GRIA4: variants seen among roughly 807,000 people sequenced by gnomAD.
GRIA4 encodes the protein glutamate ionotropic receptor AMPA type subunit 4.
A neutral mutation model predicts 104.0 loss-of-function variants in GRIA4; 34 were observed. The observed-to-expected ratio is 0.33, with a 90% CI of 0.25 to 0.44. The LOEUF (loss-of-function observed/expected upper bound fraction) is 0.44. Among genes scored for constraint, GRIA4 ranks in the 20% least tolerant of loss-of-function variants. GRIA4 has a pLI of 1.00. For missense variants in GRIA4, 750 were observed against 1,096.5 expected (o/e 0.68, Z 4.46); for synonymous variants, 386 against 381.9 (o/e 1.01, Z -0.13).
At chr11:105,636,650 T>A (rs1391663049) in intron 3 of GRIA4, among the ~76,000 whole-genome samples, 1 of 152,172 alleles carries the variant, frequency 6.6e-6, no homozygotes, top group African/African-American at 2.4e-5. Context: ...AATGCAGCCA[T>A]ATGGTGATAC....
Position 105,862,144 on chromosome 11 carries a change from G to A in GRIA4, c.608G>A (p.Arg203Lys). ...AGGCAACTTCTAGAAGAACTTGACA[G>A]AAGACAAGAGAAGAAGTTTGTAATA... ...SYRQLLEELDRRQEKKFVIDC... is the reference protein window; with the variant it reads ...SYRQLLEELDKRQEKKFVIDC... Residue 203 changes from arginine to lysine, a missense_variant, in exon 5 of 17, where the codon AGA becomes AAA. Transcript: ENST00000282499. 6.2e-7 allele frequency: 1 copy of A among 1,607,344 alleles called. No individual in the cohort carries two copies. The highest frequency in any genetic ancestry group is 8.5e-7 in the Non-Finnish European group (1 of 1,173,880).
chr11:105,748,915 G>A (rs1359641231), intron 3 of GRIA4, among the ~76,000 whole-genome samples: 1 of 152,180 alleles, frequency 6.6e-6, no homozygotes, highest in Non-Finnish European at 1.5e-5. Flanking sequence ...CATTTGAAGT[G>A]GGTGGTACAG....
intron 5 of GRIA4, among the ~76,000 whole-genome samples, chr11:105,866,483 T>C (rs542029910): frequency 6.7e-6 from 1 of 149,708 alleles, no homozygotes; most frequent in East Asian, 2.0e-4. Flanking sequence ...GCAGTGTGTG[T>C]ATACATATAT....
chr11:105,839,294 T>C (rs1944304287), intron 4 of GRIA4, among the ~76,000 whole-genome samples: 1 of 152,152 alleles, frequency 6.6e-6, no homozygotes, highest in Non-Finnish European at 1.5e-5. Context: ...CCTCCTTTGA[T>C]GTACTGTGAG....
In GRIA4 at chr11:105,971,918, C is replaced by G. The variant is rs147440204; in HGVS notation, c.2299C>G (p.Pro767Ala). ...ATPKGSSLRT[P>A]VNLAVLKLSE... is the part of the protein sequence containing the mutation. ...TATGTTATTTTCCACGTGAAGAACT[C>G]CTGTAAACCTTGCCGTTTTGAAACT... is the stretch of plus-strand genomic sequence containing the variant. Residue 767 changes from proline to alanine, a missense_variant, in exon 15 of 17, where the codon CCT (proline) becomes GCT (alanine). By Grantham distance (27) the Pro-to-Ala change is conservative. Transcript: ENST00000282499. 1 of 1,585,042 alleles carries G rather than the reference C, an allele frequency of 6.3e-7. No homozygotes were observed. The highest frequency in any genetic ancestry group is 8.7e-7 in the Non-Finnish European group (1 of 1,154,220).
At chr11:105,937,456 C>T (rs187120865) in intron 14 of GRIA4, among the ~76,000 whole-genome samples, 48 of 152,084 alleles carry the variant, frequency 3.2e-4, no homozygotes, top group Non-Finnish European at 4.9e-4. Context: ...TTCTTTGGAG[C>T]GAATCATCAT....
chr11:105,869,119 A>T (rs1424558895), intron 5 of GRIA4, among the ~76,000 whole-genome samples: 1 of 152,052 alleles, frequency 6.6e-6, no homozygotes, highest in Non-Finnish European at 1.5e-5. Flanking sequence ...TTGCAGCCAT[A>T]CCTCATTTTC....
At chr11:105,912,414 A>C in intron 10 of GRIA4, 1 of 960,234 alleles carries the variant, frequency 1.0e-6, no homozygotes, top group Non-Finnish European at 1.2e-6. Flanking sequence ...GGACAAATAA[A>C]TCTTAAAACC....
chr11:105,704,389 G>A (rs994171459), intron 3 of GRIA4, among the ~76,000 whole-genome samples: 8 of 152,018 alleles, frequency 5.3e-5, no homozygotes, highest in African/African-American at 1.7e-4. Flanking sequence ...TACAAACTGA[G>A]GGAGTTAGAT....
intron 4 of GRIA4, among the ~76,000 whole-genome samples, chr11:105,770,004 T>G (rs1941139573): frequency 1.3e-5 from 2 of 152,102 alleles, no homozygotes; most frequent in African/African-American, 4.8e-5. Flanking sequence ...TATTTCCATA[T>G]GTACTAAAGG....
intron 4 of GRIA4, among the ~76,000 whole-genome samples, chr11:105,782,862 C>T (rs762661327): frequency 2.0e-5 from 3 of 152,274 alleles, no homozygotes; most frequent in East Asian, 3.9e-4. Context: ...TTTGAGGTCT[C>T]GCTTCAGCAT....
intron 6 of GRIA4, among the ~76,000 whole-genome samples, chr11:105,895,052 G>T (rs1201255329): frequency 6.7e-6 from 1 of 150,326 alleles, no homozygotes; most frequent in Non-Finnish European, 1.5e-5. Flanking sequence ...ACCCGCCTCG[G>T]CCTCCCAAAG....
chr11:105,922,903 A>G (rs1322399701), intron 11 of GRIA4, among the ~76,000 whole-genome samples: 1 of 152,158 alleles, frequency 6.6e-6, no homozygotes, highest in East Asian at 1.9e-4. Flanking sequence ...TATATACATA[A>G]TGATAGCTAT....
intron 4 of GRIA4, among the ~76,000 whole-genome samples, chr11:105,766,713 G>T (rs1381283087): frequency 6.6e-6 from 1 of 152,078 alleles, no homozygotes; most frequent in Admixed American, 6.6e-5. Flanking sequence ...CCCTCTGCTT[G>T]AAGCTGCCCA....
At chr11:105,727,033 A>C (rs1938254734) in intron 3 of GRIA4, among the ~76,000 whole-genome samples, 1 of 152,110 alleles carries the variant, frequency 6.6e-6, no homozygotes, top group Admixed American at 6.5e-5. Flanking sequence ...ACAGAGAATG[A>C]GTTTGACAAA....
intron 14 of GRIA4, chr11:105,945,344 T>C (rs570451626): frequency 3.6e-4 from 58 of 160,824 alleles, no homozygotes; most frequent in African/African-American, 1.3e-3. Flanking sequence ...AAAGCCCCAG[T>C]ATATCAGACA....
chr11:105,679,512 CGT>C (rs1952643486), intron 3 of GRIA4, among the ~76,000 whole-genome samples: 1 of 152,062 alleles, frequency 6.6e-6, no homozygotes, highest in Non-Finnish European at 1.5e-5. Flanking sequence ...AATTATTCTG[CGT>C]ACAATTGAGC....
At chr11:105,926,049 GATAACT>G (rs1591452605) in intron 12 of GRIA4, among the ~76,000 whole-genome samples, 1 of 151,940 alleles carries the variant, frequency 6.6e-6, no homozygotes, top group East Asian at 1.9e-4. Flanking sequence ...AGTGTGTAAA[GATAACT>G]TTGAGACATG....
intron 10 of GRIA4, among the ~76,000 whole-genome samples, chr11:105,916,109 G>A (rs1265149410): frequency 2.0e-5 from 3 of 151,976 alleles, no homozygotes; most frequent in Non-Finnish European, 4.4e-5. Flanking sequence ...GCTTGAACCC[G>A]GAAGGCAGAG....
Sources: gnomAD v4.1 joint callset for allele counts (sites outside exome capture counted in the v4.1 genomes callset) on GRCh38, gnomAD v4.1.1 for gene constraint, MANE v1.5 for transcripts, NCBI Gene and HGNC (gene_info 2026-07-23, HGNC 2026-07-21) for gene names.